The following ADCY9 variants were observed in gnomAD, a reference collection of about 807,000 sequenced individuals.
ADCY9 encodes the protein adenylate cyclase 9.
A neutral mutation model predicts 101.5 loss-of-function variants in ADCY9; 50 were observed. That is an observed-to-expected ratio of 0.49 (90% CI 0.39 to 0.62). ADCY9 has a LOEUF of 0.62. Among genes scored for constraint, ADCY9 ranks in the 20% least tolerant of loss-of-function variants. The pLI is 0.00. For missense variants in ADCY9, 1,662 were observed against 1,800.4 expected (o/e 0.92, Z 1.39); for synonymous variants, 905 against 769.3 (o/e 1.18, Z -2.92).
At chr16:3,974,878 TG>T (rs1167833412) in intron 9 of ADCY9, among the ~76,000 whole-genome samples, 168 bp from the exon 10 acceptor site, 1 of 152,172 alleles carries the variant, frequency 6.6e-6, no homozygotes, top group African/African-American at 2.4e-5. Context: ...CTCCCAATGC[TG>T]GGGGCAGTTC....
At chr16:3,958,541 CAAAAAAAAAAAAA>C (rs57920543), downstream of ADCY9, among the ~76,000 whole-genome samples, 1 of 104,198 alleles carries the variant, frequency 9.6e-6, no homozygotes, top group Non-Finnish European at 2.0e-5. Context: ...AACTCCGTCT[CAAAAAAAAAAAAA>C]AAAAAAAAGA....
At chr16:4,024,871 G>A (rs2056503567) in intron 2 of ADCY9, among the ~76,000 whole-genome samples, 1 of 152,102 alleles carries the variant, frequency 6.6e-6, no homozygotes, top group Non-Finnish European at 1.5e-5. Context: ...TGAAGATGCT[G>A]GTGACACGCT....
At chr16:4,023,710 C>T (rs1396940733) in intron 2 of ADCY9, among the ~76,000 whole-genome samples, 4 of 152,128 alleles carry the variant, frequency 2.6e-5, no homozygotes, top group African/African-American at 4.8e-5. Flanking sequence ...GTAAGGAGTT[C>T]GAGACCATCC....
At chr16:4,106,404 C>T (rs527526168) in intron 2 of ADCY9, among the ~76,000 whole-genome samples, 16 of 152,288 alleles carry the variant, frequency 1.1e-4, no homozygotes, top group Non-Finnish European at 1.9e-4. Context: ...CCTTCTGTTC[C>T]GCGGCAGCAC....
chr16:3,959,124 G>A (rs551073769), downstream of ADCY9, among the ~76,000 whole-genome samples: 29 of 152,218 alleles, frequency 1.9e-4, no homozygotes, highest in Non-Finnish European at 3.7e-4. Context: ...ACTTTGGGAG[G>A]CTGAGGTGGA....
At chr16:4,029,340 G>C (rs987089529) in intron 2 of ADCY9, among the ~76,000 whole-genome samples, 1 of 152,128 alleles carries the variant, frequency 6.6e-6, no homozygotes, top group South Asian at 2.1e-4. Context: ...TGACCATTTC[G>C]ATCTACAAAA....
rs572498127 is a variant in ADCY9, at chr16:4,102,987, G to A, written c.1693+10763C>T. On this transcript the variant is annotated intron_variant, in intron 2 of 10. Transcript: ENST00000294016. ...TCCACCCACCTCGGCCTCCCAAAGC[G>A]CTGGTATTACAGGCACGAGCCATGG... 7.4e-4 allele frequency among the ~76,000 whole-genome samples: 112 copies of A among 152,302 alleles called. 2 individuals are homozygous for A. The South Asian group carries it at 0.021, about 28-fold the overall frequency.
chr16:4,113,208 T>C (rs2057124868), intron 2 of ADCY9, among the ~76,000 whole-genome samples: 1 of 151,682 alleles, frequency 6.6e-6, no homozygotes, highest in African/African-American at 2.4e-5. Flanking sequence ...AGACAGTGTG[T>C]ACTCAGAGGT....
In ADCY9 at chr16:4,028,947, G is replaced by A. The variant is rs113535992; in HGVS notation, c.1694-21389C>T. ...CTACAGGCACCTGCCACTGCACGCG[G>A]CTAATTTTCGTATTTTTAGTAGAGA... On this transcript the variant is annotated intron_variant, in intron 2 of 10. Transcript: ENST00000294016. Among the ~76,000 whole-genome samples, 1,432 of 152,056 alleles carry A rather than the reference G, an allele frequency of 9.4e-3. 27 individuals carry two copies. Among genetic ancestry groups the A allele is most frequent in the African/African-American group, 0.033 (1,362 of 41,484 alleles).
At chr16:3,983,183 G>T in intron 7 of ADCY9, 49 bp downstream of exon 7, 1 of 1,490,932 alleles carries the variant, frequency 6.7e-7, no homozygotes. Flanking sequence ...GGAGCCAGAA[G>T]AGGGAGCTAA....
In ADCY9 at chr16:4,027,650, GCA is replaced by G. The variant is rs1386429014; in HGVS notation, c.1694-20094_1694-20093del. Among the ~76,000 whole-genome samples the G allele has an allele frequency of 4.2e-3, 638 of 152,272 alleles. 9 individuals carry two copies. Among genetic ancestry groups the G allele is most frequent in the African/African-American group, 0.014 (596 of 41,550 alleles). ...CCAGCACTGTGGGAGGCCGAGGTGG[GCA>G]TATCACCTGAGCTCAAGAGTTCGAG... On this transcript the variant is annotated intron_variant, in intron 2 of 10. Transcript: ENST00000294016.
intron 2 of ADCY9, among the ~76,000 whole-genome samples, chr16:4,049,680 T>C (rs1471701905): frequency 1.3e-5 from 2 of 152,164 alleles, no homozygotes; most frequent in Non-Finnish European, 2.9e-5. Flanking sequence ...GCATCCTTCA[T>C]GTCCACCGTC....
chr16:4,097,557 T>TATATATATATATACA (rs1567147096), intron 2 of ADCY9, among the ~76,000 whole-genome samples: 1 of 79,678 alleles, frequency 1.3e-5, no homozygotes, highest in African/African-American at 7.7e-5. Flanking sequence ...ATATATATTT[T>TATATATATATATACA]TTTTTTTTTT....
At chr16:3,971,879 C>T (rs773923964) in intron 10 of ADCY9, among the ~76,000 whole-genome samples, 10 of 152,138 alleles carry the variant, frequency 6.6e-5, no homozygotes, top group East Asian at 1.9e-4. Flanking sequence ...CTCTAATCTG[C>T]GGGAGCCGGA....
chr16:4,071,332 C>CAAGAAA (rs2056832435), intron 2 of ADCY9, among the ~76,000 whole-genome samples: 1 of 70,524 alleles, frequency 1.4e-5, no homozygotes, highest in Non-Finnish European at 2.6e-5. Context: ...ACTCAGTCTC[C>CAAGAAA]AAAAAAAAAA....
chr16:4,089,991 G>T (rs1333143123), intron 2 of ADCY9, among the ~76,000 whole-genome samples: 2 of 152,054 alleles, frequency 1.3e-5, no homozygotes, highest in Non-Finnish European at 2.9e-5. Context: ...CACTTGCTGG[G>T]ACTCCGTGGG....
chr16:4,111,754 A>C (rs1176964142), intron 2 of ADCY9, among the ~76,000 whole-genome samples: 1 of 151,852 alleles, frequency 6.6e-6, no homozygotes, highest in Non-Finnish European at 1.5e-5. Flanking sequence ...TAAAACTTTT[A>C]TAAATATACA....
chr16:3,967,609 T>A (rs986627777), intron 10 of ADCY9, among the ~76,000 whole-genome samples: 4 of 151,928 alleles, frequency 2.6e-5, no homozygotes, highest in African/African-American at 9.7e-5. Context: ...CCAAGGCTGG[T>A]CTTAAACTCG....
chr16:3,975,622 T>C (rs2056086863), intron 9 of ADCY9, among the ~76,000 whole-genome samples: 1 of 152,168 alleles, frequency 6.6e-6, no homozygotes. Context: ...TCCCTCTGGT[T>C]CTCTTAATAA....
Sources: allele counts gnomAD v4.1 joint callset (sites outside exome capture counted in the v4.1 genomes callset), GRCh38; gene constraint gnomAD v4.1.1; transcripts MANE v1.5; gene names NCBI Gene and HGNC (gene_info 2026-07-23, HGNC 2026-07-21).